Variants in KSR2 observed in about 807,000 individuals in gnomAD.
KSR2 encodes the protein kinase suppressor of ras 2.
Under a neutral mutation model 107.8 loss-of-function variants are expected in KSR2, and 25 were observed. The observed-to-expected ratio is 0.23, with a 90% CI of 0.17 to 0.32. The LOEUF (loss-of-function observed/expected upper bound fraction) is 0.32. KSR2 is among the 10% of genes least tolerant of loss of function. The probability of loss-of-function intolerance (pLI) is 1.00; values close to 1 mark genes in which losing one functional copy is unlikely to be tolerated. For missense variants in KSR2, 887 were observed against 1,268.9 expected (o/e 0.70, Z 4.57); for synonymous variants, 480 against 507.0 (o/e 0.95, Z 0.71).
intron 4 of KSR2, among the ~76,000 whole-genome samples, chr12:117,757,009 T>C (rs759966919): frequency 5.5e-4 from 83 of 150,488 alleles, no homozygotes; most frequent in Non-Finnish European, 9.9e-4. Context: ...GAGCCGAGAT[T>C]GCTCCATTGC....
At position 117,456,595 on chromosome 12, in the gene KSR2, C is replaced by G. The variant is rs1333808342; in HGVS notation, c.*10604G>C. On this transcript the variant is annotated 3_prime_UTR_variant, in exon 20 of 20. Coordinates refer to ENST00000339824, the MANE Select transcript of KSR2 (RefSeq NM_173598.6). Reference sequence around the variant, plus strand: ...GACCCCATCTAGGGCAGAGCCCCAGCCAACTCAACTGTCTTCTTGGAAGGT... The same window carrying G: ...GACCCCATCTAGGGCAGAGCCCCAGGCAACTCAACTGTCTTCTTGGAAGGT... 2 of 152,214 alleles carry G rather than the reference C, an allele frequency of 1.3e-5. No individual in the cohort carries two copies. Among genetic ancestry groups the G allele is most frequent in the Admixed American group, 6.5e-5 (1 of 15,276 alleles). The allele number at this position is 152,214 out of a possible 1,614,324, so 9.4% of individuals were successfully genotyped here.
intron 4 of KSR2, among the ~76,000 whole-genome samples, chr12:117,690,004 T>C (rs1436386276): frequency 2.7e-5 from 4 of 147,330 alleles, no homozygotes; most frequent in African/African-American, 7.6e-5. Context: ...GGAAGGAAGA[T>C]GGAAGAGAGA....
At chr12:117,525,675 G>A (rs1004505566) in intron 13 of KSR2, among the ~76,000 whole-genome samples, 7 of 152,158 alleles carry the variant, frequency 4.6e-5, no homozygotes, top group East Asian at 1.9e-4. Flanking sequence ...GGCTGTTTAC[G>A]TGCATGTGAT....
chr12:117,875,407 C>T (rs185303754), intron 1 of KSR2, among the ~76,000 whole-genome samples: 1 of 150,710 alleles, frequency 6.6e-6, no homozygotes, highest in Non-Finnish European at 1.5e-5. Context: ...ACCATGGGGG[C>T]CTTCTAGGGA....
intron 1 of KSR2, among the ~76,000 whole-genome samples, chr12:117,861,401 TTTTTTG>T (rs1893286652): frequency 1.4e-5 from 2 of 140,308 alleles, no homozygotes; most frequent in African/African-American, 5.4e-5. Flanking sequence ...TTTTTTTTTT[TTTTTTG>T]AGATGGAGTC....
chr12:117,760,015 A>G (rs762859287), intron 4 of KSR2, among the ~76,000 whole-genome samples: 1 of 152,212 alleles, frequency 6.6e-6, no homozygotes, highest in Non-Finnish European at 1.5e-5. Flanking sequence ...AGGCTGAGGC[A>G]GGAGAATCAC....
At chr12:117,861,378 CTTT>C (rs5801257) in intron 1 of KSR2, among the ~76,000 whole-genome samples, 15,527 of 79,810 alleles carry the variant, frequency 0.19, 1,491 homozygotes, top group African/African-American at 0.25. Flanking sequence ...TCCCAATTCG[CTTT>C]TTTTTTTTTT....
intron 4 of KSR2, among the ~76,000 whole-genome samples, chr12:117,723,412 A>C (rs1418081589): frequency 1.3e-5 from 2 of 152,178 alleles, no homozygotes; most frequent in African/African-American, 4.8e-5. Flanking sequence ...TAAGCCTCAC[A>C]ACAACCGTAA....
chr12:117,522,508 A>T (rs1874824521), intron 14 of KSR2, among the ~76,000 whole-genome samples: 1 of 152,164 alleles, frequency 6.6e-6, no homozygotes, highest in Non-Finnish European at 1.5e-5. Context: ...TGGGTAAGAA[A>T]GGGAAGGAAA....
intron 4 of KSR2, among the ~76,000 whole-genome samples, chr12:117,740,493 T>A (rs149278561): frequency 2.3e-5 from 3 of 133,106 alleles, no homozygotes; most frequent in East Asian, 4.1e-4. Context: ...ATAATATATA[T>A]GTTATATATT....
chr12:117,867,953 C>T (rs549388840), intron 1 of KSR2, among the ~76,000 whole-genome samples: 1 of 152,272 alleles, frequency 6.6e-6, no homozygotes, highest in African/African-American at 2.4e-5. Context: ...CCAGCAGGAC[C>T]TTATAAATTC....
chr12:117,673,656 T>A (rs1885005682), intron 4 of KSR2, among the ~76,000 whole-genome samples: 1 of 152,036 alleles, frequency 6.6e-6, no homozygotes, highest in South Asian at 2.1e-4. Context: ...CACCTTTCCA[T>A]CCACCCTCAT....
chr12:117,660,173 C>T (rs537575461), intron 5 of KSR2, among the ~76,000 whole-genome samples: 1 of 152,318 alleles, frequency 6.6e-6, no homozygotes, highest in East Asian at 1.9e-4. Context: ...CTGGTACTGC[C>T]TTTCCTTATT....
intron 4 of KSR2, among the ~76,000 whole-genome samples, chr12:117,729,861 T>C (rs1198851981): frequency 6.6e-6 from 1 of 152,202 alleles, no homozygotes; most frequent in African/African-American, 2.4e-5. Flanking sequence ...TAAAACCTGC[T>C]GTATGAAAAA....
intron 4 of KSR2, among the ~76,000 whole-genome samples, chr12:117,693,513 G>A (rs1885920263): frequency 6.6e-6 from 1 of 152,178 alleles, no homozygotes; most frequent in Non-Finnish European, 1.5e-5. Flanking sequence ...ATGGGTGGCT[G>A]CTTCAAAAGA....
At chr12:117,932,060 G>T (rs1322249528) in intron 1 of KSR2, among the ~76,000 whole-genome samples, 2 of 152,122 alleles carry the variant, frequency 1.3e-5, no homozygotes, top group Non-Finnish European at 2.9e-5. Flanking sequence ...GCTAAGGCGG[G>T]TGGATCGCCT....
At chr12:117,524,152 G>A (rs1215126148) in intron 14 of KSR2, among the ~76,000 whole-genome samples, 2 of 152,116 alleles carry the variant, frequency 1.3e-5, no homozygotes, top group African/African-American at 2.4e-5. Context: ...TACAGAAACT[G>A]TACAACCCAC....
intron 5 of KSR2, among the ~76,000 whole-genome samples, chr12:117,609,871 G>C (rs1881497806): frequency 6.6e-6 from 1 of 152,136 alleles, no homozygotes; most frequent in African/African-American, 2.4e-5. Context: ...CCAGACACTA[G>C]GAGTGGAAAA....
At chr12:117,768,375 C>G (rs1889320996) in intron 3 of KSR2, among the ~76,000 whole-genome samples, 3 of 152,174 alleles carry the variant, frequency 2.0e-5, no homozygotes, top group Admixed American at 2.0e-4. Flanking sequence ...TCCATGGAGT[C>G]CTTCTGGAGC....
Sources: allele counts gnomAD v4.1 joint callset (sites outside exome capture counted in the v4.1 genomes callset), GRCh38; gene constraint gnomAD v4.1.1; transcripts MANE v1.5; gene names NCBI Gene and HGNC (gene_info 2026-07-23, HGNC 2026-07-21).